The following FSTL5 variants were observed in gnomAD, a reference collection of about 807,000 sequenced individuals.
FSTL5 encodes follistatin like 5.
A neutral mutation model predicts 89.1 loss-of-function variants in FSTL5; 62 were observed. The ratio of observed to expected loss-of-function variants is 0.70; its 90% CI spans 0.57 to 0.86. FSTL5 has a LOEUF of 0.86. Ranked by LOEUF, FSTL5 falls within the 40% of genes least tolerant of loss-of-function variation. The pLI, the probability that FSTL5 is intolerant of heterozygous loss-of-function variation, is 0.00. For synonymous variants in FSTL5, 383 were observed against 346.2 expected (o/e 1.11, Z -1.18); for missense variants, 1,057 against 1,001.6 (o/e 1.06, Z -0.75).
intron 2 of FSTL5, among the ~76,000 whole-genome samples, chr4:162,085,948 C>A (rs1181344187): frequency 2.0e-5 from 3 of 151,904 alleles, no homozygotes; most frequent in Non-Finnish European, 4.4e-5. Context: ...GGCTCCTGAG[C>A]AAGGTAAAAC....
At chr4:162,136,980 G>C (rs1204296968) in intron 1 of FSTL5, among the ~76,000 whole-genome samples, 1 of 151,944 alleles carries the variant, frequency 6.6e-6, no homozygotes, top group Non-Finnish European at 1.5e-5. Context: ...ATGAAACTTT[G>C]AAACAGGCTG....
intron 8 of FSTL5, among the ~76,000 whole-genome samples, chr4:161,548,856 G>A (rs147894095): frequency 6.6e-6 from 1 of 151,884 alleles, no homozygotes; most frequent in East Asian, 1.9e-4. Context: ...GGTTAGATGA[G>A]AATTTGAATA....
intron 4 of FSTL5, among the ~76,000 whole-genome samples, chr4:161,783,159 T>C (rs1741731097): frequency 6.6e-6 from 1 of 152,208 alleles, no homozygotes; most frequent in Non-Finnish European, 1.5e-5. Flanking sequence ...AAATTTATTT[T>C]ACCCCCCAAA....
chr4:161,800,919 T>G (rs1484567112), intron 4 of FSTL5, among the ~76,000 whole-genome samples: 2 of 151,588 alleles, frequency 1.3e-5, no homozygotes, highest in African/African-American at 4.8e-5. Context: ...GTATTTTAAG[T>G]AGTTGACAAG....
At chr4:161,664,510 C>T (rs2126690910) in intron 6 of FSTL5, among the ~76,000 whole-genome samples, 1 of 152,302 alleles carries the variant, frequency 6.6e-6, no homozygotes, top group East Asian at 1.9e-4. Context: ...ACAAGTTCCT[C>T]ATCTCCATCT....
At chr4:161,978,737 A>T (rs891347016) in intron 3 of FSTL5, among the ~76,000 whole-genome samples, 2 of 152,104 alleles carry the variant, frequency 1.3e-5, no homozygotes, top group Admixed American at 6.5e-5. Context: ...TGTTTTGGAG[A>T]TTATAAAGCC....
At chr4:161,656,625 A>T (rs1736528297) in intron 6 of FSTL5, 131 bp from the exon 7 acceptor site, 1 of 492,098 alleles carries the variant, frequency 2.0e-6, no homozygotes, top group Non-Finnish European at 3.3e-6. Context: ...GATGAAATGA[A>T]AAAAGAGAAA....
intron 15 of FSTL5, among the ~76,000 whole-genome samples, chr4:161,438,238 A>G (rs1732640196): frequency 6.8e-6 from 1 of 147,150 alleles, no homozygotes; most frequent in Non-Finnish European, 1.5e-5. Flanking sequence ...GATAATGTTG[A>G]GCCATCTGAA....
chr4:162,089,908 A>C (rs1247883703), intron 2 of FSTL5, among the ~76,000 whole-genome samples: 1 of 152,144 alleles, frequency 6.6e-6, no homozygotes, highest in Non-Finnish European at 1.5e-5. Context: ...TTTTTAAAAA[A>C]TTTTGTGGAT....
In FSTL5 at chr4:161,488,212, T is replaced by A. The variant is rs187964345; in HGVS notation, c.1459-7043A>T. ...TCTAAACTGAGATATATTAAATTTA[T>A]CCCATTCAATTTCCGATTTCATTTA... On this transcript the variant is annotated intron_variant, in intron 12 of 15. Transcript: ENST00000306100. Among the ~76,000 whole-genome samples the A allele has an allele frequency of 5.8e-3, 889 of 152,184 alleles. 5 individuals are homozygous for A. The highest frequency in any genetic ancestry group is 0.019 in the South Asian group (90 of 4,820).
chr4:161,833,452 C>T (rs4691027), intron 4 of FSTL5, among the ~76,000 whole-genome samples: 30,493 of 64,898 alleles, frequency 0.47, 6,650 homozygotes, highest in Non-Finnish European at 0.54. Context: ...CTTTCTGTCT[C>T]GTTGATCTGT....
At chr4:161,542,303 CA>C (rs1731845226) in intron 9 of FSTL5, among the ~76,000 whole-genome samples, 1 of 151,760 alleles carries the variant, frequency 6.6e-6, no homozygotes, top group Non-Finnish European at 1.5e-5. Context: ...TACTTATCAC[CA>C]AAATAATGAC....
rs1482491233 is a variant in FSTL5 at position 161,486,231 on chromosome 4, AAACT to A, written c.1459-5066_1459-5063del. On this transcript the variant is annotated intron_variant, in intron 12 of 15. Coordinates refer to ENST00000306100, the MANE Select transcript of FSTL5 (RefSeq NM_020116.5). The stretch of plus-strand genomic sequence containing the variant: ...TTCTGTAATTTATGTGAATAAAAAC[AAACT>A]GTCGCTGGTATTATGAAGAACACAG... Among the ~76,000 whole-genome samples the A allele has an allele frequency of 3.9e-5, 6 of 152,264 alleles. No individual in the cohort carries two copies. In the East Asian group the frequency reaches 1.2e-3, roughly 29 times the overall value.
intron 8 of FSTL5, among the ~76,000 whole-genome samples, chr4:161,558,136 C>T (rs531537323): frequency 3.9e-5 from 6 of 151,946 alleles, no homozygotes; most frequent in African/African-American, 1.4e-4. Flanking sequence ...TTTTATAAAA[C>T]AATCCCAGAA....
intron 7 of FSTL5, among the ~76,000 whole-genome samples, chr4:161,605,683 G>C (rs1165454235): frequency 6.6e-6 from 1 of 152,118 alleles, no homozygotes; most frequent in Non-Finnish European, 1.5e-5. Context: ...TTCCCCAAAT[G>C]ACTGAAAATT....
At chr4:161,469,387 C>T (rs58987398) in intron 13 of FSTL5, among the ~76,000 whole-genome samples, 7,382 of 152,194 alleles carry the variant, frequency 0.049, 559 homozygotes, top group African/African-American at 0.17. Flanking sequence ...CCACCAGTCT[C>T]TCAAAGCAGT....
At chr4:161,507,321 T>C (rs192298490) in intron 11 of FSTL5, among the ~76,000 whole-genome samples, 221 of 151,970 alleles carry the variant, frequency 1.5e-3, no homozygotes, top group Non-Finnish European at 1.0e-3. Flanking sequence ...TATTTAATTA[T>C]ACGTATCATA....
intron 6 of FSTL5, among the ~76,000 whole-genome samples, chr4:161,733,257 G>C (rs962639544): frequency 1.3e-5 from 2 of 151,518 alleles, no homozygotes; most frequent in Admixed American, 6.6e-5. Flanking sequence ...CCTTTTTTGT[G>C]CTCTTGTTTG....
At chr4:161,758,706 C>T (rs551780531) in intron 6 of FSTL5, among the ~76,000 whole-genome samples, 2 of 152,030 alleles carry the variant, frequency 1.3e-5, no homozygotes, top group Admixed American at 6.5e-5. Context: ...TTAGTAGAGA[C>T]GAGGTTTCAC....
Sources: allele counts gnomAD v4.1 joint callset (sites outside exome capture counted in the v4.1 genomes callset), GRCh38; gene constraint gnomAD v4.1.1; transcripts MANE v1.5; gene names NCBI Gene and HGNC (gene_info 2026-07-23, HGNC 2026-07-21).